Variants in RGS7 observed in about 807,000 individuals in gnomAD.
RGS7 encodes regulator of G protein signaling 7, also known as regulator of G-protein signaling 7.
A neutral mutation model predicts 81.1 loss-of-function variants in RGS7; 27 were observed. The observed-to-expected ratio is 0.33, with a 90% CI of 0.25 to 0.46. The LOEUF (loss-of-function observed/expected upper bound fraction) is 0.46, where lower values mean the gene tolerates loss of function less well. Ranked by LOEUF, RGS7 falls within the 20% of genes least tolerant of loss-of-function variation. The pLI is 1.00. For missense variants in RGS7, 396 were observed against 607.4 expected (o/e 0.65, Z 3.66); for synonymous variants, 208 against 207.7 (o/e 1.00, Z -0.01).
chr1:241,306,658 A>AT (rs1329489902), intron 2 of RGS7, among the ~76,000 whole-genome samples: 1 of 87,372 alleles, frequency 1.1e-5, no homozygotes, highest in African/African-American at 3.6e-5. Flanking sequence ...TCACACACAA[A>AT]TACATGTCCA....
chr1:241,301,781 T>C (rs2079776269), intron 2 of RGS7, among the ~76,000 whole-genome samples: 1 of 152,236 alleles, frequency 6.6e-6, no homozygotes, highest in African/African-American at 2.4e-5. Flanking sequence ...CACTTAAGTG[T>C]AGAAACAAGC....
Position 240,951,935 on chromosome 1 carries a change from G to A in RGS7, c.227-15229C>T, listed in dbSNP as rs144060146. On this transcript the variant is annotated intron_variant, in intron 4 of 18. Coordinates refer to ENST00000440928, the MANE Select transcript of RGS7 (RefSeq NM_001364886.1). ...GAAACAAAAATATGAATGACAGTGC[G>A]CTTCTCATCAGAAACTATGTGGGCA... Among the ~76,000 whole-genome samples, 77 of 152,182 alleles carry A rather than the reference G, an allele frequency of 5.1e-4. 1 individual carries two copies. In the East Asian group the frequency reaches 0.011, roughly 22 times the overall value.
At chr1:240,896,491 T>G (rs1015655792) in intron 6 of RGS7, among the ~76,000 whole-genome samples, 1 of 152,228 alleles carries the variant, frequency 6.6e-6, no homozygotes, top group Admixed American at 6.5e-5. Context: ...CAGTTTCAGC[T>G]TTCTACCTAT....
chr1:241,220,430 C>T (rs2074824392), intron 2 of RGS7, among the ~76,000 whole-genome samples: 1 of 152,086 alleles, frequency 6.6e-6, no homozygotes, highest in East Asian at 1.9e-4. Flanking sequence ...CTTAAAGCTC[C>T]CCAGATAATT....
intron 4 of RGS7, among the ~76,000 whole-genome samples, chr1:240,949,874 G>A (rs12072679): frequency 0.33 from 46,163 of 139,098 alleles, 7,923 homozygotes; most frequent in Middle Eastern, 0.39. Context: ...AAAAGCCAAC[G>A]ATGACTTCTG....
intron 3 of RGS7, among the ~76,000 whole-genome samples, chr1:241,005,654 C>T (rs532361482): frequency 5.9e-5 from 9 of 152,238 alleles, no homozygotes; most frequent in Admixed American, 5.9e-4. Context: ...CCTGCCTCAG[C>T]CTCCCGAGTA....
At chr1:241,050,645 G>C (rs1051410393) in intron 3 of RGS7, among the ~76,000 whole-genome samples, 1 of 151,938 alleles carries the variant, frequency 6.6e-6, no homozygotes, top group Admixed American at 6.6e-5. Context: ...TCCCACCTCT[G>C]CCACTCCTGA....
chr1:241,040,884 C>G (rs570891042), intron 3 of RGS7, among the ~76,000 whole-genome samples: 1 of 152,298 alleles, frequency 6.6e-6, no homozygotes, highest in South Asian at 2.1e-4. Flanking sequence ...CCTGTTCTAT[C>G]TAACCAACAG....
intron 2 of RGS7, among the ~76,000 whole-genome samples, chr1:241,184,662 T>C (rs1484191029): frequency 6.6e-6 from 1 of 152,194 alleles, no homozygotes; most frequent in Admixed American, 6.5e-5. Context: ...TTTCTGGCTA[T>C]GTGGGTAAGG....
intron 9 of RGS7, among the ~76,000 whole-genome samples, chr1:240,849,500 T>C (rs1659699614): frequency 6.6e-6 from 1 of 152,240 alleles, no homozygotes; most frequent in South Asian, 2.1e-4. Context: ...TGATATGGTT[T>C]AGATATTTGT....
At chr1:240,860,596 C>A (rs759345269) in intron 9 of RGS7, among the ~76,000 whole-genome samples, 1 of 152,054 alleles carries the variant, frequency 6.6e-6, no homozygotes, top group Non-Finnish European at 1.5e-5. Context: ...GGCACACACA[C>A]GCTTGCTTCG....
intron 4 of RGS7, among the ~76,000 whole-genome samples, chr1:240,944,966 C>T (rs1678360480): frequency 6.6e-6 from 1 of 152,164 alleles, no homozygotes; most frequent in South Asian, 2.1e-4. Flanking sequence ...CTGCCTCGGC[C>T]TTCCCAAGCA....
At chr1:240,995,253 TA>T (rs1267218652) in intron 3 of RGS7, among the ~76,000 whole-genome samples, 3 of 152,210 alleles carry the variant, frequency 2.0e-5, no homozygotes, top group Non-Finnish European at 4.4e-5. Context: ...TATATTTTGC[TA>T]AGGAGTTTTA....
intron 2 of RGS7, among the ~76,000 whole-genome samples, chr1:241,158,942 C>T (rs1421242476): frequency 1.3e-5 from 2 of 149,150 alleles, no homozygotes; most frequent in African/African-American, 2.4e-5. Flanking sequence ...CCCATGAAAC[C>T]GTCTATCTGT....
chr1:241,045,228 C>T (rs532709737), intron 3 of RGS7, among the ~76,000 whole-genome samples: 6 of 152,118 alleles, frequency 3.9e-5, no homozygotes, highest in Non-Finnish European at 4.4e-5. Context: ...AGTGTGCTTT[C>T]CTCCAAAATG....
intron 2 of RGS7, among the ~76,000 whole-genome samples, chr1:241,241,060 T>A (rs1371580830): frequency 1.3e-5 from 2 of 152,096 alleles, no homozygotes; most frequent in Non-Finnish European, 2.9e-5. Flanking sequence ...ACCCTCCTCA[T>A]CGGCTAGAAC....
chr1:240,846,912 T>G (rs1374010894), intron 9 of RGS7, among the ~76,000 whole-genome samples: 2 of 152,188 alleles, frequency 1.3e-5, no homozygotes, highest in African/African-American at 2.4e-5. Context: ...CCCCTTCAGA[T>G]GACCATAGCC....
At chr1:240,825,725 C>T (rs75246681) in intron 10 of RGS7, among the ~76,000 whole-genome samples, 1,845 of 152,206 alleles carry the variant, frequency 0.012, 33 homozygotes, top group African/African-American at 0.043. Context: ...ATGTAAAGAA[C>T]GACATTGTAA....
intron 2 of RGS7, among the ~76,000 whole-genome samples, chr1:241,110,542 C>T (rs1448820120): frequency 6.6e-6 from 1 of 152,074 alleles, no homozygotes; most frequent in Non-Finnish European, 1.5e-5. Flanking sequence ...GCAGAAGATG[C>T]CTGGGATTTA....
Sources: allele counts gnomAD v4.1 joint callset (sites outside exome capture counted in the v4.1 genomes callset), GRCh38; gene constraint gnomAD v4.1.1; transcripts MANE v1.5; gene names NCBI Gene and HGNC (gene_info 2026-07-23, HGNC 2026-07-21).